DGKQ: variants seen among roughly 807,000 people sequenced by gnomAD.
The protein encoded by DGKQ is diacylglycerol kinase theta.
A neutral mutation model predicts 104.2 loss-of-function variants in DGKQ; 97 were observed. The observed-to-expected ratio is 0.93, with a 90% CI of 0.79 to 1.10. The LOEUF (loss-of-function observed/expected upper bound fraction) is 1.10. DGKQ is among the 50% of genes least tolerant of loss of function. The probability of loss-of-function intolerance (pLI) is 0.00; values close to 1 mark genes in which losing one functional copy is unlikely to be tolerated. For synonymous variants in DGKQ, 736 were observed against 595.2 expected, an observed-to-expected ratio of 1.24 and a Z score of -3.44; for missense variants, 1,465 against 1,352.1, an observed-to-expected ratio of 1.08 and a Z score of -1.31.
At chr4:964,807 C>T (rs930344840) in intron 15 of DGKQ, among the ~76,000 whole-genome samples, 2 of 152,178 alleles carry the variant, frequency 1.3e-5, no homozygotes, top group Non-Finnish European at 2.9e-5. Flanking sequence ...GCGAGGCAGC[C>T]GCAGCGGGGC....
In DGKQ at chr4:961,111, C is replaced by T; in HGVS notation, c.2665G>A (p.Val889Met). The T allele has an allele frequency of 6.2e-7, 1 of 1,611,892 alleles. No individual in the cohort carries two copies. The highest frequency in any genetic ancestry group is 8.5e-7 in the Non-Finnish European group (1 of 1,179,500). ...VTLLKATPVQ[V>M]DGEPWVQAPG... ...GCCTGGACCCAGGGCTCCCCGTCCACCTGCACCGGGGTGGCCTTGAGGAGC... is the reference window on the plus strand; with the variant it reads ...GCCTGGACCCAGGGCTCCCCGTCCATCTGCACCGGGGTGGCCTTGAGGAGC... Residue 889 changes from valine to methionine, a missense_variant, in exon 22 of 23, where the codon GTG becomes ATG. Val to Met is a conservative substitution (Grantham distance 21). Coordinates refer to ENST00000273814, the MANE Select transcript of DGKQ (RefSeq NM_001347.4).
Position 965,971 on chromosome 4 carries a change from G to T in DGKQ, c.1536C>A (p.Pro512=). ...CATGCAGCAGGCTGCTGTACTCCTC[G>T]GGAGACAGGCCGGGAGGCAGGCCGC... ...FVGGLPPGLS[P]EEYSSLLHEA... Residue 512 remains proline (P), a synonymous_variant, in exon 13 of 23, where the codon CCC becomes CCA. Coordinates refer to ENST00000273814, the MANE Select transcript of DGKQ (RefSeq NM_001347.4). 6.2e-7 allele frequency: 1 copy of T among 1,605,650 alleles called. No individual in the cohort carries two copies. Among genetic ancestry groups the T allele is most frequent in the Non-Finnish European group, 8.5e-7 (1 of 1,176,888 alleles).
chr4:971,598 C>G lies in DGKQ; in HGVS notation c.272-526G>C, dbSNP rs1712938339. 6.6e-6 allele frequency among the ~76,000 whole-genome samples: 1 copy of G among 152,178 alleles called. No individual in the cohort carries two copies. The highest frequency in any genetic ancestry group is 1.5e-5 in the Non-Finnish European group (1 of 68,020). On this transcript the variant is annotated intron_variant, in intron 1 of 22. Coordinates refer to ENST00000273814, the MANE Select transcript of DGKQ (RefSeq NM_001347.4). The surrounding 1 kb of genome is among the most constrained non-coding windows in gnomAD (Gnocchi z 4.0). Reference sequence around the variant, plus strand: ...AGGAGCCGCTGGGGAGTGGACAGCCCCAAGCCTCCCAAGGAGCTCTGGCTG... The same window carrying G: ...AGGAGCCGCTGGGGAGTGGACAGCCGCAAGCCTCCCAAGGAGCTCTGGCTG...
intron 15 of DGKQ, 30 bp from the exon 16 acceptor site, chr4:963,320 G>T (rs1433665949): frequency 6.3e-7 from 1 of 1,579,270 alleles, no homozygotes; most frequent in Non-Finnish European, 8.7e-7. Flanking sequence ...GTTAGGATGG[G>T]GACCCAAGGT....
Position 968,833 on chromosome 4 carries a change from CT to C in DGKQ, c.428del (p.Glu143GlyfsTer158). The C allele has an allele frequency of 6.2e-7, 1 of 1,611,080 alleles. No individual in the cohort carries two copies. Among genetic ancestry groups the C allele is most frequent in the Non-Finnish European group, 8.5e-7 (1 of 1,179,226 alleles). On this transcript the variant is annotated frameshift_variant, in exon 3 of 23. Transcript: ENST00000273814. LOFTEE classifies it high-confidence loss of function. ...TACCTTCGCAGTGGAGCGCCGGTGC[CT>C]CCAGGACCTTGCGGCAGACAGCACA... ...KFCAVCRKVL[E>X]APALHCEVCE...
intron 14 of DGKQ, 100 bp from the exon 15 acceptor site, chr4:965,391 C>A: frequency 6.4e-7 from 1 of 1,550,498 alleles, no homozygotes; most frequent in African/African-American, 1.4e-5. Flanking sequence ...CAGGGCTGCC[C>A]AAGGGAAAGG....
Position 971,689 on chromosome 4 carries a change from G to A in DGKQ, c.272-617C>T, listed in dbSNP as rs1385486311. 2.6e-5 allele frequency among the ~76,000 whole-genome samples: 4 copies of A among 152,082 alleles called. No homozygotes were observed. The highest frequency in any genetic ancestry group is 6.5e-5 in the Admixed American group (1 of 15,276). ...TCAGGAGGGCATAAGAGGAGCAAGCGCCACACCCCAGCAGTAAAACAGACA... is the reference window on the plus strand; with the variant it reads ...TCAGGAGGGCATAAGAGGAGCAAGCACCACACCCCAGCAGTAAAACAGACA... On this transcript the variant is annotated intron_variant, in intron 1 of 22. Coordinates refer to ENST00000273814, the MANE Select transcript of DGKQ (RefSeq NM_001347.4). This position sits in a 1 kb window ranked among gnomAD's most constrained non-coding sequence, Gnocchi z 4.0.
rs1315869828 is a variant in DGKQ at position 973,557 on chromosome 4, ACT to A, written c.-77_-76del. On this transcript the variant is annotated 5_prime_UTR_variant, in exon 1 of 23. Coordinates refer to ENST00000273814, the MANE Select transcript of DGKQ (RefSeq NM_001347.4). ...GAGCCGCCGCTCCACGGCCCGGTACACTGCTTCCGACTGCGCCTGCCCCACTG... is the reference window on the plus strand; with the variant it reads ...GAGCCGCCGCTCCACGGCCCGGTACAGCTTCCGACTGCGCCTGCCCCACTG... 6 of 976,712 alleles carry A rather than the reference ACT, an allele frequency of 6.1e-6. No individual in the cohort carries two copies. Among genetic ancestry groups the A allele is most frequent in the Middle Eastern group, 5.2e-4 (1 of 1,914 alleles). The allele number at this position is 976,712 out of a possible 1,614,324, so 60.5% of individuals were successfully genotyped here. A position where few individuals can be genotyped will look rare whatever the true frequency, so the allele number is the denominator to read the frequency against.
At chr4:969,385 C>G (rs993359709) in intron 2 of DGKQ, among the ~76,000 whole-genome samples, 5 of 152,242 alleles carry the variant, frequency 3.3e-5, no homozygotes, top group African/African-American at 9.6e-5. Context: ...GGGAGATAAT[C>G]TGGCCATAAC....
In DGKQ at chr4:967,721, C is replaced by T. The variant is rs1354791248; in HGVS notation, c.886+7G>A. ...GTGGAGTTGGGGGGAATGAGGCGGGCACTTACCGGACTCCGGAGTTGCCTG... is the reference window on the plus strand; with the variant it reads ...GTGGAGTTGGGGGGAATGAGGCGGGTACTTACCGGACTCCGGAGTTGCCTG... On this transcript the variant is annotated splice_region_variant and intron_variant, in intron 7 of 22. Coordinates refer to ENST00000273814, the MANE Select transcript of DGKQ (RefSeq NM_001347.4). The T allele has an allele frequency of 6.2e-7, 1 of 1,611,404 alleles. No homozygotes were observed. Among genetic ancestry groups the T allele is most frequent in the Non-Finnish European group, 8.5e-7 (1 of 1,179,340 alleles).
In DGKQ at chr4:973,225, G is replaced by A; in HGVS notation, c.258C>T (p.Gly86=). ...LCSDFIWGLA[G]FLCDVCNFMS... ...CCGGGCGCTCACCGTCGCACAGGAA[G>A]CCGGCCAGCCCCCAGATGAAGTCGG... The change falls in exon 1 of 23, where the codon GGC becomes GGT. Residue 86 remains glycine (G), a synonymous_variant. Transcript: ENST00000273814. 6.4e-7 allele frequency: 1 copy of A among 1,561,146 alleles called. No individual in the cohort carries two copies. Among genetic ancestry groups the A allele is most frequent in the Non-Finnish European group, 8.6e-7 (1 of 1,156,664 alleles).
chr4:966,941 G>A (rs1480036860), intron 10 of DGKQ, 23 bp downstream of exon 10: 2 of 1,553,306 alleles, frequency 1.3e-6, no homozygotes, highest in African/African-American at 2.7e-5. Context: ...GGCCGGCATG[G>A]GGAGCAGGCA....
At chr4:970,173 G>A (rs1712818586) in intron 2 of DGKQ, among the ~76,000 whole-genome samples, 1 of 152,250 alleles carries the variant, frequency 6.6e-6, no homozygotes, top group Non-Finnish European at 1.5e-5. Flanking sequence ...AGAGGGGACG[G>A]CGCAGCCGGA....
chr4:967,873 ACCTCACCCGGCTCCGCGG>A lies in DGKQ; in HGVS notation c.800_811+6del. On this transcript the variant is annotated splice_donor_variant and splice_donor_5th_base_variant and coding_sequence_variant and intron_variant, in exon 6 of 23. Coordinates refer to ENST00000273814, the MANE Select transcript of DGKQ (RefSeq NM_001347.4). LOFTEE classifies it high-confidence loss of function. ...GCCCAGGGCGCCCCGGCCGGCCCGCACCTCACCCGGCTCCGCGGCCTCCACGATGCGGAAGCTCTGCGT... is the reference window on the plus strand; with the variant it reads ...GCCCAGGGCGCCCCGGCCGGCCCGCACCTCCACGATGCGGAAGCTCTGCGT... 1 of 1,460,150 alleles carries A rather than the reference ACCTCACCCGGCTCCGCGG, an allele frequency of 6.8e-7. No individual in the cohort carries two copies. Among genetic ancestry groups the A allele is most frequent in the Non-Finnish European group, 9.0e-7 (1 of 1,112,200 alleles). 90.4% of individuals were successfully genotyped at this position (1,460,150 alleles called of 1,614,324 possible).
rs1425326805 is a variant in DGKQ, at chr4:967,969, G to A, written c.722C>T (p.Ser241Phe). 8 of 1,484,410 alleles carry A rather than the reference G, an allele frequency of 5.4e-6. No homozygotes were observed. Among genetic ancestry groups the A allele is most frequent in the East Asian group, 5.3e-5 (2 of 37,984 alleles). The allele number at this position is 1,484,410 out of a possible 1,614,324, so 92.0% of individuals were successfully genotyped here. ...APECGFGRLR[S>F]LVLPPACVRL... The stretch of plus-strand genomic sequence containing the variant: ...CACGCACGCGGGAGGCAGGACCAGG[G>A]AGCGCAGACGCCCGAAGCCACACTC... Residue 241 changes from serine (S) to phenylalanine (F), a missense_variant, in exon 6 of 23, where the codon TCC (serine) becomes TTC (phenylalanine). By Grantham distance (155) the Ser-to-Phe change is radical. Coordinates refer to ENST00000273814, the MANE Select transcript of DGKQ (RefSeq NM_001347.4).
chr4:970,908 C>A, intron 2 of DGKQ, 85 bp downstream of exon 2: 1 of 1,068,632 alleles, frequency 9.4e-7, no homozygotes, highest in Non-Finnish European at 1.4e-6. Context: ...TAACGTCTGA[C>A]ATGAAGGTTT....
intron 1 of DGKQ, 105 bp downstream of exon 1, chr4:973,107 C>T (rs1055787696): frequency 2.1e-5 from 27 of 1,311,558 alleles, no homozygotes; most frequent in East Asian, 1.3e-4. Flanking sequence ...GCTGGGACCC[C>T]GCCCTCCACT....
rs774926713 is a variant in DGKQ, at chr4:965,261, G to A, written c.1649C>T (p.Ala550Val). 1.7e-5 allele frequency: 27 copies of A among 1,612,450 alleles called. No homozygotes were observed. In the South Asian group the frequency reaches 2.2e-4, roughly 13 times the overall value. The stretch of plus-strand genomic sequence containing the variant: ...CAGCATGTACAGCCGCTCGGCCTCC[G>A]CAAAGCAGGCAACGTCCAACACTAC... ...GAVVLDVACF[A>V]EAERLYMLLK... The change falls in exon 15 of 23, where the codon GCG (alanine) becomes GTG (valine). Residue 550 changes from alanine (A) to valine (V), a missense_variant. By Grantham distance (64) the Ala-to-Val change is moderately conservative. Coordinates refer to ENST00000273814, the MANE Select transcript of DGKQ (RefSeq NM_001347.4).
intron 1 of DGKQ, among the ~76,000 whole-genome samples, chr4:972,236 G>A (rs1253754262): frequency 6.6e-6 from 1 of 152,100 alleles, no homozygotes. Flanking sequence ...AGCCACACAT[G>A]CACACTCCCC....
Sources: allele counts gnomAD v4.1 joint callset (sites outside exome capture counted in the v4.1 genomes callset), GRCh38; gene constraint gnomAD v4.1.1; non-coding constraint Gnocchi (gnomAD v3.1); transcripts MANE v1.5; gene names NCBI Gene and HGNC (gene_info 2026-07-23, HGNC 2026-07-21).